The following C1orf159 variants were observed in gnomAD, a reference collection of about 807,000 sequenced individuals.
The protein encoded by C1orf159 is uncharacterized protein C1orf159.
In C1orf159, 19 loss-of-function variants were observed where a neutral mutation model predicts 25.6. The ratio of observed to expected loss-of-function variants is 0.74; its 90% confidence interval spans 0.52 to 1.09. C1orf159 has a LOEUF of 1.09. Ranked by LOEUF, C1orf159 falls within the 50% of genes least tolerant of loss-of-function variation. The pLI is 0.00. For missense variants in C1orf159, 274 were observed against 290.6 expected, an observed-to-expected ratio of 0.94 and a Z score of 0.42; for synonymous variants, 139 against 124.7, an observed-to-expected ratio of 1.12 and a Z score of -0.77.
Position 1,093,418 on chromosome 1 carries a change from C to T in C1orf159, c.-135-1315G>A, listed in dbSNP as rs559390522. 6.6e-5 allele frequency among the ~76,000 whole-genome samples: 10 copies of T among 152,338 alleles called. No homozygotes were observed. In the South Asian group the frequency reaches 2.1e-3, roughly 32 times the overall value. On this transcript the variant is annotated intron_variant, in intron 1 of 9. Coordinates refer to ENST00000421241, the MANE Select transcript of C1orf159 (RefSeq NM_017891.5). Reference sequence around the variant, plus strand: ...ATAAACCACATCCGTGTAAAGTACACAAGCGGGTGAGTGTGACCACCCCCT... The same window carrying T: ...ATAAACCACATCCGTGTAAAGTACATAAGCGGGTGAGTGTGACCACCCCCT...
chr1:1,112,855 C>T (rs562807108), intron 1 of C1orf159, among the ~76,000 whole-genome samples: 12 of 152,326 alleles, frequency 7.9e-5, no homozygotes, highest in Admixed American at 2.0e-4. Flanking sequence ...ACTTCCTTTC[C>T]TTCCTGCTCT....
intron 3 of C1orf159, chr1:1,090,962 C>T: frequency 6.5e-7 from 1 of 1,550,312 alleles, no homozygotes; most frequent in East Asian, 2.4e-5. Flanking sequence ...GTGTTGATCA[C>T]AGCTGTGCTG....
At chr1:1,093,620 T>G (rs1221886678) in intron 1 of C1orf159, among the ~76,000 whole-genome samples, 1 of 152,272 alleles carries the variant, frequency 6.6e-6, no homozygotes, top group Non-Finnish European at 1.5e-5. Flanking sequence ...CCATGTTGTT[T>G]TATCCGCACT....
At chr1:1,097,116 G>A (rs531294374) in intron 1 of C1orf159, among the ~76,000 whole-genome samples, 2 of 151,962 alleles carry the variant, frequency 1.3e-5, no homozygotes, top group South Asian at 2.1e-4. Context: ...TGTGCTATCT[G>A]TTTCTTTTGA....
In C1orf159 at chr1:1,089,886, T is replaced by G. The variant is rs528947292; in HGVS notation, c.148+467A>C. ...CCCAGAACCTCTGATGAACAGGGCC[T>G]GCCCGTGGCACGCTGACACAGGCCG... is the stretch of plus-strand genomic sequence containing the variant. On this transcript the variant is annotated intron_variant, in intron 4 of 9. Coordinates refer to ENST00000421241, the MANE Select transcript of C1orf159 (RefSeq NM_017891.5). This position sits in a 1 kb window ranked among gnomAD's most constrained non-coding sequence, Gnocchi z 7.5. Among the ~76,000 whole-genome samples, 2 of 152,336 alleles carry G rather than the reference T, an allele frequency of 1.3e-5. No homozygotes were observed. Among genetic ancestry groups the G allele is most frequent in the African/African-American group, 4.8e-5 (2 of 41,578 alleles).
chr1:1,090,371 C>A lies in C1orf159; in HGVS notation c.130G>T (p.Ala44Ser), dbSNP rs75079403. 4.5e-6 allele frequency: 7 copies of A among 1,550,404 alleles called. No individual in the cohort carries two copies. The African/African-American group carries it at 8.2e-5, about 18-fold the overall frequency. The change falls in exon 4 of 10, where the codon GCA becomes TCA. Residue 44 changes from alanine (A) to serine (S), a missense_variant. Transcript: ENST00000421241. ...VVGVNASCPGASLCGPGCYRR... is the reference protein window; with the variant it reads ...VVGVNASCPGSSLCGPGCYRR... ...GGCTTACCTGGACCACACAGACTTG[C>A]GCCTGGGCAGCTGGCGTTGACGCCC...
chr1:1,094,582 A>C (rs1378478499), intron 1 of C1orf159, among the ~76,000 whole-genome samples: 1 of 151,970 alleles, frequency 6.6e-6, no homozygotes, highest in Non-Finnish European at 1.5e-5. Flanking sequence ...TTGTATTTTT[A>C]GTAGAGACGG....
intron 1 of C1orf159, among the ~76,000 whole-genome samples, chr1:1,099,632 G>A (rs1163781332): frequency 6.6e-6 from 1 of 151,818 alleles, no homozygotes; most frequent in East Asian, 1.9e-4. Flanking sequence ...GAATTGGAGA[G>A]AGAGAGGTTA....
At position 1,089,726 on chromosome 1, in the gene C1orf159, A is replaced by T. The variant is rs761887046; in HGVS notation, c.148+627T>A. On this transcript the variant is annotated intron_variant, in intron 4 of 9. Coordinates refer to ENST00000421241, the MANE Select transcript of C1orf159 (RefSeq NM_017891.5). The surrounding 1 kb of genome is among the most constrained non-coding windows in gnomAD (Gnocchi z 7.5). ...GCTGGGGCATCTCAGCCCCAAGTTC[A>T]CCAAGGGCCGCCAAGGAGTGGCCCT... Among the ~76,000 whole-genome samples, 1 of 151,908 alleles carries T rather than the reference A, an allele frequency of 6.6e-6. No individual in the cohort carries two copies. Among genetic ancestry groups the T allele is most frequent in the Non-Finnish European group, 1.5e-5 (1 of 67,964 alleles).
intron 1 of C1orf159, among the ~76,000 whole-genome samples, chr1:1,098,443 T>C (rs182508446): frequency 6.6e-6 from 1 of 152,352 alleles, no homozygotes; most frequent in Non-Finnish European, 1.5e-5. Flanking sequence ...GTGGGTTAAT[T>C]TCCAAACATT....
At chr1:1,102,912 C>T (rs991185572) in intron 1 of C1orf159, among the ~76,000 whole-genome samples, 1 of 152,010 alleles carries the variant, frequency 6.6e-6, no homozygotes, top group Non-Finnish European at 1.5e-5. Flanking sequence ...TCACTGCAGC[C>T]TCTGCCTCCT....
At chr1:1,099,444 GAT>G in intron 1 of C1orf159, among the ~76,000 whole-genome samples, 1 of 151,348 alleles carries the variant, frequency 6.6e-6, no homozygotes, top group Non-Finnish European at 1.5e-5. Flanking sequence ...GTTGTCTATT[GAT>G]GTTTTTGGTC....
At chr1:1,096,115 G>A (rs1268472742) in intron 1 of C1orf159, among the ~76,000 whole-genome samples, 1 of 152,104 alleles carries the variant, frequency 6.6e-6, no homozygotes, top group East Asian at 1.9e-4. Context: ...GAAGGATAGT[G>A]GTCTATAATT....
rs1173641548 is a variant in C1orf159 at position 1,089,521 on chromosome 1, C to A, written c.148+832G>T. On this transcript the variant is annotated intron_variant, in intron 4 of 9. Coordinates refer to ENST00000421241, the MANE Select transcript of C1orf159 (RefSeq NM_017891.5). The surrounding 1 kb of genome is among the most constrained non-coding windows in gnomAD (Gnocchi z 7.5). ...TGTCATCACTGCCTTCCTGTGGGCT[C>A]CCCAACCCCCACGCCCAGCCTCGGA... Among the ~76,000 whole-genome samples, 1 of 152,140 alleles carries A rather than the reference C, an allele frequency of 6.6e-6. No homozygotes were observed. Among genetic ancestry groups the A allele is most frequent in the Non-Finnish European group, 1.5e-5 (1 of 68,004 alleles).
intron 1 of C1orf159, among the ~76,000 whole-genome samples, chr1:1,113,265 G>C (rs1391969130): frequency 2.0e-5 from 3 of 151,574 alleles, no homozygotes; most frequent in African/African-American, 7.3e-5. Flanking sequence ...TCTTTCTTCT[G>C]AGGCAGCGAG....
At chr1:1,095,763 T>G (rs891720297) in intron 1 of C1orf159, among the ~76,000 whole-genome samples, 3 of 152,252 alleles carry the variant, frequency 2.0e-5, no homozygotes, top group Non-Finnish European at 4.4e-5. Context: ...GATAAAATGC[T>G]CAATATTTCG....
chr1:1,084,970 G>A (rs1222549421), intron 7 of C1orf159, among the ~76,000 whole-genome samples: 2 of 152,146 alleles, frequency 1.3e-5, no homozygotes, highest in African/African-American at 4.8e-5. Flanking sequence ...TGGCATCGTG[G>A]CCAACCTGGC....
At chr1:1,084,331 G>A (rs572449774) in intron 9 of C1orf159, 22 bp downstream of exon 9, 1 of 1,537,342 alleles carries the variant, frequency 6.5e-7, no homozygotes, top group East Asian at 2.3e-5. Flanking sequence ...ACCCCACAGG[G>A]GGATGCGACA....
In C1orf159 at chr1:1,089,363, G is replaced by A. The variant is rs1344155196; in HGVS notation, c.148+990C>T. On this transcript the variant is annotated intron_variant, in intron 4 of 9. Transcript: ENST00000421241. The surrounding 1 kb of genome is among the most constrained non-coding windows in gnomAD (Gnocchi z 7.5). ...ACTCTTGCTGCCATGGGGTGCCAGG[G>A]GAGTGGTTCTCACCCAGCCACCAGG... is the stretch of plus-strand genomic sequence containing the variant. 1.3e-5 allele frequency among the ~76,000 whole-genome samples: 2 copies of A among 152,140 alleles called. No homozygotes were observed. Among genetic ancestry groups the A allele is most frequent in the African/African-American group, 2.4e-5 (1 of 41,428 alleles).
Sources: gnomAD v4.1 joint callset for allele counts (sites outside exome capture counted in the v4.1 genomes callset) on GRCh38, gnomAD v4.1.1 for gene constraint, Gnocchi (gnomAD v3.1) non-coding constraint, MANE v1.5 for transcripts, NCBI Gene and HGNC (gene_info 2026-07-23, HGNC 2026-07-21) for gene names.